Variants in TPH2 observed in about 807,000 individuals in gnomAD.
TPH2 encodes the protein tryptophan 5-hydroxylase 2.
A neutral mutation model predicts 59.1 loss-of-function variants in TPH2; 27 were observed. The observed-to-expected ratio is 0.46, with a 90% confidence interval of 0.34 to 0.63. TPH2 has a LOEUF of 0.63. TPH2 is among the 30% of genes least tolerant of loss of function. The pLI is 0.01. For missense variants in TPH2, 523 were observed against 588.3 expected, an observed-to-expected ratio of 0.89 and a Z score of 1.15; for synonymous variants, 220 against 210.5, an observed-to-expected ratio of 1.05 and a Z score of -0.39.
At chr12:71,980,680 T>C (rs1872249392) in intron 7 of TPH2, among the ~76,000 whole-genome samples, 1 of 152,182 alleles carries the variant, frequency 6.6e-6, no homozygotes, top group African/African-American at 2.4e-5. Context: ...GGTTTACCAA[T>C]GGCCTTGTTT....
At chr12:71,964,754 TTAA>T in intron 5 of TPH2, 1 of 985,340 alleles carries the variant, frequency 1.0e-6, no homozygotes, top group Non-Finnish European at 1.2e-6. Flanking sequence ...TTGATAAGAG[TTAA>T]TTATAAATTT....
At chr12:71,976,332 T>C (rs1345134538) in intron 6 of TPH2, among the ~76,000 whole-genome samples, 2 of 152,366 alleles carry the variant, frequency 1.3e-5, no homozygotes, top group East Asian at 1.9e-4. Context: ...TCGCCTAGTT[T>C]GTATCACGCA....
chr12:71,971,383 T>A (rs1446892591), intron 5 of TPH2, among the ~76,000 whole-genome samples: 2 of 152,224 alleles, frequency 1.3e-5, no homozygotes, highest in Admixed American at 1.3e-4. Context: ...TGCAGGTGGC[T>A]GTTGAGTATG....
chr12:72,010,848 C>T (rs1057141470), intron 8 of TPH2, among the ~76,000 whole-genome samples: 10 of 152,124 alleles, frequency 6.6e-5, no homozygotes, highest in African/African-American at 2.2e-4. Flanking sequence ...TGATTTGATG[C>T]AGAACATTTT....
intron 3 of TPH2, 47 bp downstream of exon 3, chr12:71,944,524 A>G (rs754834772): frequency 6.2e-7 from 1 of 1,613,680 alleles, no homozygotes; most frequent in South Asian, 1.1e-5. Flanking sequence ...TCTGACAAAT[A>G]TTGCAAAGGG....
intron 9 of TPH2, among the ~76,000 whole-genome samples, chr12:72,025,155 A>G (rs1242446875): frequency 5.3e-5 from 8 of 152,112 alleles, no homozygotes; most frequent in African/African-American, 1.9e-4. Context: ...TAACTTTATT[A>G]ATAGCGTTAT....
At chr12:72,022,090 A>T (rs10879358) in intron 8 of TPH2, among the ~76,000 whole-genome samples, 88,598 of 151,956 alleles carry the variant, frequency 0.58, 26,093 homozygotes, top group Non-Finnish European at 0.64. Context: ...TTGTGATATA[A>T]TTATTCATTT....
intron 8 of TPH2, among the ~76,000 whole-genome samples, chr12:72,000,303 A>C (rs1302890741): frequency 1.3e-5 from 2 of 152,368 alleles, no homozygotes; most frequent in South Asian, 2.1e-4. Context: ...AATAATTTGC[A>C]ATTTGTCAGT....
intron 2 of TPH2, among the ~76,000 whole-genome samples, chr12:71,943,788 T>A (rs1292334877): frequency 6.6e-6 from 1 of 151,884 alleles, no homozygotes; most frequent in Non-Finnish European, 1.5e-5. Context: ...ACCTCCCCAA[T>A]TTCTGCTTGC....
intron 6 of TPH2, among the ~76,000 whole-genome samples, chr12:71,975,750 C>T (rs552484455): frequency 6.6e-6 from 1 of 152,300 alleles, no homozygotes; most frequent in East Asian, 1.9e-4. Context: ...ACATCATCTA[C>T]TATATTTGTT....
intron 8 of TPH2, among the ~76,000 whole-genome samples, chr12:71,998,897 C>G (rs1302074987): frequency 6.6e-6 from 1 of 152,174 alleles, no homozygotes; most frequent in African/African-American, 2.4e-5. Flanking sequence ...GGCCATATTA[C>G]TCTTTGACTC....
chr12:72,029,355 T>C (rs1444371114), intron 9 of TPH2, among the ~76,000 whole-genome samples: 4 of 152,178 alleles, frequency 2.6e-5, no homozygotes, highest in Non-Finnish European at 5.9e-5. Context: ...GTCCTTTCCA[T>C]ATGTACTGAT....
At chr12:71,951,801 A>T (rs1871357125) in intron 5 of TPH2, among the ~76,000 whole-genome samples, 1 of 151,982 alleles carries the variant, frequency 6.6e-6, no homozygotes, top group Non-Finnish European at 1.5e-5. Context: ...TGAGGCAGGC[A>T]GATCACCTGA....
At chr12:71,975,361 C>G (rs1268733694) in intron 6 of TPH2, among the ~76,000 whole-genome samples, 1 of 152,056 alleles carries the variant, frequency 6.6e-6, no homozygotes, top group African/African-American at 2.4e-5. Context: ...AACAAATGAA[C>G]AAACAAACAA....
At chr12:71,994,354 C>A (rs1406411952) in intron 7 of TPH2, 85 bp from the exon 8 acceptor site, 3 of 1,462,362 alleles carry the variant, frequency 2.1e-6, no homozygotes, top group East Asian at 4.6e-5. Flanking sequence ...GTGACAAGGT[C>A]TTATTTAGGT....
In TPH2 at chr12:72,002,757, C is replaced by CTT. The variant is rs35633991; in HGVS notation, c.1068+8204_1068+8205dup. The stretch of plus-strand genomic sequence containing the variant: ...CCAGACCATCACCTATTTTATTTTA[C>CTT]TTTTTTTTTTTTTGCAGGAAAGAAG... On this transcript the variant is annotated intron_variant, in intron 8 of 10. Coordinates refer to ENST00000333850, the MANE Select transcript of TPH2 (RefSeq NM_173353.4). Among the ~76,000 whole-genome samples the CTT allele has an allele frequency of 4.4e-4, 64 of 143,936 alleles. 1 individual carries two copies. In the South Asian group the frequency reaches 5.4e-3, roughly 12 times the overall value. The allele number at this position is 143,936 out of a possible 152,430, so 94.4% of individuals were successfully genotyped here.
intron 5 of TPH2, among the ~76,000 whole-genome samples, chr12:71,950,700 A>G (rs192061059): frequency 6.6e-6 from 1 of 152,288 alleles, no homozygotes; most frequent in East Asian, 1.9e-4. Flanking sequence ...TAAGGGAAAG[A>G]TTCGTCCTAC....
intron 8 of TPH2, among the ~76,000 whole-genome samples, chr12:71,997,806 A>G (rs1235145735): frequency 6.6e-6 from 1 of 152,224 alleles, no homozygotes; most frequent in African/African-American, 2.4e-5. Context: ...GTCACAGTCT[A>G]GTACCCCAAA....
intron 6 of TPH2, among the ~76,000 whole-genome samples, chr12:71,976,526 T>TA (rs923001372): frequency 3.9e-5 from 6 of 152,132 alleles, no homozygotes; most frequent in Non-Finnish European, 7.4e-5. Context: ...ACATAACTAT[T>TA]AAAAAAAATG....
Sources: gnomAD v4.1 joint callset for allele counts (sites outside exome capture counted in the v4.1 genomes callset) on GRCh38, gnomAD v4.1.1 for gene constraint, MANE v1.5 for transcripts, NCBI Gene and HGNC (gene_info 2026-07-23, HGNC 2026-07-21) for gene names.